The following PCDH11X variants were observed in gnomAD, a reference collection of about 807,000 sequenced individuals.
PCDH11X encodes protocadherin-11 X-linked.
Under a neutral mutation model 53.3 loss-of-function variants are expected in PCDH11X, and 18 were observed. The observed-to-expected ratio is 0.34, with a 90% CI of 0.23 to 0.50. The LOEUF is 0.50. Ranked by LOEUF, PCDH11X falls within the 20% of genes least tolerant of loss-of-function variation. The probability of loss-of-function intolerance (pLI) is 0.98; values close to 1 mark genes in which losing one functional copy is unlikely to be tolerated. For synonymous variants in PCDH11X, 279 were observed against 393.3 expected, an observed-to-expected ratio of 0.71 and a Z score of 3.44; for missense variants, 570 against 1,032.4, an observed-to-expected ratio of 0.55 and a Z score of 6.14.
intron 5 of PCDH11X, among the ~76,000 whole-genome samples, chrX:91,858,563 C>G (rs1938482096): frequency 9.0e-6 from 1 of 111,069 alleles, no homozygotes; most frequent in African/African-American, 3.3e-5. Flanking sequence ...GAATACATAA[C>G]ACTGAATGCT....
intron 8 of PCDH11X, among the ~76,000 whole-genome samples, chrX:92,377,491 A>C (rs928157020): frequency 4.5e-5 from 5 of 111,549 alleles, no homozygotes; most frequent in African/African-American, 1.6e-4. Context: ...AGCAATAATC[A>C]ATTCTTATTA....
At chrX:91,819,633 T>C (rs746546582) in intron 4 of PCDH11X, among the ~76,000 whole-genome samples, 1 of 109,708 alleles carries the variant, frequency 9.1e-6, no homozygotes, top group Non-Finnish European at 1.9e-5. Context: ...AGCATTTCTT[T>C]TTTTTTTTCC....
intron 6 of PCDH11X, among the ~76,000 whole-genome samples, chrX:92,083,829 G>T (rs1225833036): frequency 9.0e-6 from 1 of 111,290 alleles, no homozygotes; most frequent in Non-Finnish European, 1.9e-5. Flanking sequence ...GGTGGCTCTC[G>T]CCTGTAATCC....
intron 6 of PCDH11X, among the ~76,000 whole-genome samples, chrX:92,077,664 GGAA>G (rs1360987067): frequency 1.0e-5 from 1 of 95,549 alleles, no homozygotes; most frequent in African/African-American, 4.1e-5. Flanking sequence ...AAGGAAGGAA[GGAA>G]GGACAGACAT....
intron 10 of PCDH11X, among the ~76,000 whole-genome samples, chrX:92,609,381 G>C (rs895892207): frequency 7.2e-5 from 8 of 111,256 alleles, no homozygotes; most frequent in African/African-American, 2.6e-4. Flanking sequence ...AGCATCAATT[G>C]AAGATTCTAG....
At chrX:92,609,114 G>A (rs749451174) in intron 10 of PCDH11X, among the ~76,000 whole-genome samples, 20 of 111,580 alleles carry the variant, frequency 1.8e-4, no homozygotes, top group African/African-American at 5.2e-4. Flanking sequence ...TCAGTGTATG[G>A]CTATGACACA....
At chrX:92,075,197 G>A (rs867515400) in intron 6 of PCDH11X, among the ~76,000 whole-genome samples, 16 of 109,314 alleles carry the variant, frequency 1.5e-4, no homozygotes, top group Middle Eastern at 4.7e-3. Flanking sequence ...TGCATCTCAC[G>A]AGGCCTCTAT....
At chrX:92,428,583 A>G (rs998622566) in intron 9 of PCDH11X, among the ~76,000 whole-genome samples, 5 of 108,689 alleles carry the variant, frequency 4.6e-5, no homozygotes, top group Admixed American at 2.9e-4. Context: ...TTATTCATGT[A>G]TATTTATAAA....
intron 8 of PCDH11X, among the ~76,000 whole-genome samples, chrX:92,321,061 T>C (rs112204463): frequency 0.11 from 11,659 of 101,829 alleles, 453 homozygotes; most frequent in Middle Eastern, 0.18. Flanking sequence ...AGAATCAGTC[T>C]GTGGTTAGTG....
intron 6 of PCDH11X, among the ~76,000 whole-genome samples, chrX:92,195,582 A>G (rs1482241202): frequency 9.0e-6 from 1 of 111,423 alleles, no homozygotes; most frequent in Non-Finnish European, 1.9e-5. Flanking sequence ...CTATGAAATA[A>G]CCCAACACTA....
At chrX:92,573,802 G>A (rs925450904) in intron 10 of PCDH11X, among the ~76,000 whole-genome samples, 2 of 107,149 alleles carry the variant, frequency 1.9e-5, no homozygotes, top group Non-Finnish European at 3.9e-5. Context: ...GAATAACAGA[G>A]GCAGTCATGA....
At chrX:91,978,672 T>C (rs1384106061) in intron 6 of PCDH11X, among the ~76,000 whole-genome samples, 9 of 111,210 alleles carry the variant, frequency 8.1e-5, no homozygotes, top group African/African-American at 2.6e-4. Flanking sequence ...CCTCAATCTC[T>C]TCCTCTTGTC....
At chrX:91,964,120 A>G (rs1352507781) in intron 6 of PCDH11X, among the ~76,000 whole-genome samples, 1 of 104,483 alleles carries the variant, frequency 9.6e-6, no homozygotes, top group Non-Finnish European at 1.9e-5. Context: ...GAGATGAAAG[A>G]TCTCTACACT....
At chrX:92,288,613 G>A (rs1416390289) in intron 8 of PCDH11X, among the ~76,000 whole-genome samples, 4 of 110,811 alleles carry the variant, frequency 3.6e-5, no homozygotes, top group African/African-American at 1.3e-4. Flanking sequence ...TGTTAATCAA[G>A]GTAGGACGTC....
At chrX:92,061,660 CT>C (rs770647015) in intron 6 of PCDH11X, among the ~76,000 whole-genome samples, 45 of 109,483 alleles carry the variant, frequency 4.1e-4, no homozygotes, top group African/African-American at 1.4e-3. Flanking sequence ...GTCAGTGAGT[CT>C]TTTTTGATGC....
intron 6 of PCDH11X, among the ~76,000 whole-genome samples, chrX:91,949,242 A>C (rs1419962707): frequency 1.4e-4 from 15 of 109,548 alleles, no homozygotes; most frequent in African/African-American, 5.0e-4. Context: ...TCTGACAAAG[A>C]TGAATTGAAA....
At chrX:92,222,473 T>C (rs2066899736) in intron 7 of PCDH11X, among the ~76,000 whole-genome samples, 1 of 111,602 alleles carries the variant, frequency 9.0e-6, no homozygotes, top group Non-Finnish European at 1.9e-5. Context: ...CAATTTCATG[T>C]TAGCATCCAT....
intron 10 of PCDH11X, among the ~76,000 whole-genome samples, chrX:92,510,783 C>T (rs1464051424): frequency 1.8e-5 from 2 of 111,665 alleles, no homozygotes; most frequent in African/African-American, 6.5e-5. Flanking sequence ...TTCAGTTTGT[C>T]TTATCCTAAT....
At chrX:92,355,471 C>T (rs2070182368) in intron 8 of PCDH11X, among the ~76,000 whole-genome samples, 1 of 97,972 alleles carries the variant, frequency 1.0e-5, no homozygotes, top group African/African-American at 3.8e-5. Flanking sequence ...GCAGAATCTC[C>T]GTTATTAAAA....
Sources: allele counts gnomAD v4.1 joint callset (sites outside exome capture counted in the v4.1 genomes callset), GRCh38; gene constraint gnomAD v4.1.1; transcripts MANE v1.5; gene names NCBI Gene and HGNC (gene_info 2026-07-23, HGNC 2026-07-21).